MYOM1: variants seen among roughly 807,000 people sequenced by gnomAD.
MYOM1 encodes myomesin 1.
A neutral mutation model predicts 205.3 loss-of-function variants in MYOM1; 164 were observed. That is an observed-to-expected ratio of 0.80 (90% confidence interval 0.70 to 0.91). The LOEUF (loss-of-function observed/expected upper bound fraction) is 0.91, where lower values mean the gene tolerates loss of function less well. Ranked by LOEUF, MYOM1 falls within the 40% of genes least tolerant of loss-of-function variation. The probability of loss-of-function intolerance (pLI) is 0.00; values close to 1 mark genes in which losing one functional copy is unlikely to be tolerated. For missense variants in MYOM1, 2,011 were observed against 2,127.3 expected, an observed-to-expected ratio of 0.95 and a Z score of 1.08; for synonymous variants, 772 against 789.4, an observed-to-expected ratio of 0.98 and a Z score of 0.37.
intron 13 of MYOM1, among the ~76,000 whole-genome samples, chr18:3,146,043 A>C (rs2080117820): frequency 6.6e-6 from 1 of 152,102 alleles, no homozygotes. Context: ...ACTCAAGAAA[A>C]AGTAAATAAC....
the MYOM1 span, among the ~76,000 whole-genome samples, chr18:3,227,766 C>T: frequency 6.6e-6 from 1 of 152,128 alleles, no homozygotes; most frequent in Admixed American, 6.5e-5. Context: ...TTGCAGTGAG[C>T]CATCGAGCCA....
chr18:3,078,280 G>T (rs2079042945), intron 34 of MYOM1, among the ~76,000 whole-genome samples: 1 of 152,080 alleles, frequency 6.6e-6, no homozygotes, highest in African/African-American at 2.4e-5. Context: ...GACCTCAGGT[G>T]ATCCACCCGC....
the MYOM1 span, among the ~76,000 whole-genome samples, chr18:3,233,901 T>A: frequency 6.6e-6 from 1 of 152,214 alleles, no homozygotes; most frequent in African/African-American, 2.4e-5. Context: ...CACTCCAAAT[T>A]ATTAACACAG....
At chr18:3,177,864 T>C (rs568780869) in intron 5 of MYOM1, among the ~76,000 whole-genome samples, 2 of 152,320 alleles carry the variant, frequency 1.3e-5, no homozygotes, top group African/African-American at 4.8e-5. Flanking sequence ...GAATTTATAA[T>C]ATAAATCATG....
intron 25 of MYOM1, among the ~76,000 whole-genome samples, chr18:3,098,172 G>C (rs1213756314): frequency 2.0e-5 from 3 of 152,116 alleles, no homozygotes; most frequent in African/African-American, 7.2e-5. Flanking sequence ...GCAGGTTCAG[G>C]GATCACTGGT....
intron 29 of MYOM1, among the ~76,000 whole-genome samples, chr18:3,088,904 T>C (rs1419644430): frequency 6.6e-6 from 1 of 152,212 alleles, no homozygotes; most frequent in Admixed American, 6.5e-5. Context: ...GTGAGAGTCT[T>C]TGGAGATTAC....
chr18:3,242,233 C>T, the MYOM1 span, among the ~76,000 whole-genome samples: 1 of 152,242 alleles, frequency 6.6e-6, no homozygotes, highest in South Asian at 2.1e-4. Flanking sequence ...TGTCCCCACC[C>T]AAATCTCATC....
At chr18:3,245,359 G>A in the MYOM1 span, among the ~76,000 whole-genome samples, 3 of 152,196 alleles carry the variant, frequency 2.0e-5, no homozygotes, top group Admixed American at 6.5e-5. Context: ...GGGCAATAGA[G>A]CAAGACCCTG....
At chr18:3,155,321 A>C (rs1199871936) in intron 10 of MYOM1, among the ~76,000 whole-genome samples, 1 of 152,156 alleles carries the variant, frequency 6.6e-6, no homozygotes, top group Non-Finnish European at 1.5e-5. Flanking sequence ...TCCCGGGTTC[A>C]CGCCATTCTC....
intron 29 of MYOM1, among the ~76,000 whole-genome samples, chr18:3,088,048 T>C (rs1027375431): frequency 2.0e-5 from 3 of 152,176 alleles, no homozygotes; most frequent in African/African-American, 4.8e-5. Flanking sequence ...AAGAACGTCA[T>C]TCCAGGCATT....
intron 2 of MYOM1, among the ~76,000 whole-genome samples, chr18:3,212,117 C>T (rs1202235745): frequency 6.6e-6 from 1 of 152,192 alleles, no homozygotes; most frequent in East Asian, 1.9e-4. Context: ...ATTGAGTTGG[C>T]TTTCTTTGCC....
At chr18:3,166,795 T>G (rs2080478945) in intron 9 of MYOM1, among the ~76,000 whole-genome samples, 1 of 152,250 alleles carries the variant, frequency 6.6e-6, no homozygotes, top group Admixed American at 6.5e-5. Context: ...CCAAAATTTA[T>G]TTTCTAAAAC....
intron 30 of MYOM1, 97 bp from the exon 31 acceptor site, chr18:3,085,229 C>CTTTTTTTTTTTTTTTTTTTTTTTT (rs398041147): frequency 8.2e-6 from 1 of 121,268 alleles, no homozygotes; most frequent in Non-Finnish European, 1.4e-5. Flanking sequence ...GCTGCTGCTG[C>CTTTTTTTTTTTTTTTTTTTTTTTT]TTTTTTTTTT....
At chr18:3,082,243 G>A (rs773594007) in intron 33 of MYOM1, among the ~76,000 whole-genome samples, 1 of 152,138 alleles carries the variant, frequency 6.6e-6, no homozygotes, top group South Asian at 2.1e-4. Flanking sequence ...TCCATGGCCT[G>A]GGGTTTGGGG....
chr18:3,100,146 T>C lies in MYOM1; in HGVS notation c.3727+13A>G, dbSNP rs764031267. 1.2e-6 allele frequency: 2 copies of C among 1,613,512 alleles called. No homozygotes were observed. Among genetic ancestry groups the C allele is most frequent in the African/African-American group, 1.3e-5 (1 of 74,916 alleles). The stretch of plus-strand genomic sequence containing the variant: ...GACTGCTAAAAACCTGTGAATGTAT[T>C]GTGGATACTTACTTGGGAACTTGTG... On this transcript the variant is annotated intron_variant, in intron 25 of 37. Coordinates refer to ENST00000356443, the MANE Select transcript of MYOM1 (RefSeq NM_003803.4).
intron 25 of MYOM1, among the ~76,000 whole-genome samples, chr18:3,096,242 T>TA (rs1360462854): frequency 1.3e-5 from 2 of 152,184 alleles, no homozygotes; most frequent in Non-Finnish European, 2.9e-5. Context: ...TCTAGTTACT[T>TA]AACCTCTCTG....
the MYOM1 span, among the ~76,000 whole-genome samples, chr18:3,243,361 C>T: frequency 6.6e-6 from 1 of 152,208 alleles, no homozygotes; most frequent in Non-Finnish European, 1.5e-5. Context: ...TAGTTTCTTA[C>T]ATGCAATAAA....
At chr18:3,186,734 G>A (rs2080815715) in intron 5 of MYOM1, among the ~76,000 whole-genome samples, 1 of 148,672 alleles carries the variant, frequency 6.7e-6, no homozygotes, top group African/African-American at 2.5e-5. Context: ...AATAAGAAAG[G>A]AAGAAAGAAA....
chr18:3,242,883 TC>T, the MYOM1 span, among the ~76,000 whole-genome samples: 1 of 152,228 alleles, frequency 6.6e-6, no homozygotes, highest in African/African-American at 2.4e-5. Context: ...TAATCCTTAT[TC>T]CTTTTTTTGT....
Sources: gnomAD v4.1 joint callset for allele counts (sites outside exome capture counted in the v4.1 genomes callset) on GRCh38, gnomAD v4.1.1 for gene constraint, MANE v1.5 for transcripts, NCBI Gene and HGNC (gene_info 2026-07-23, HGNC 2026-07-21) for gene names.